XRN1: variants seen among roughly 807,000 people sequenced by gnomAD.
XRN1 encodes the protein 5'-3' exoribonuclease 1, also known as strand-exchange protein 1 homolog.
A neutral mutation model predicts 222.3 loss-of-function variants in XRN1; 67 were observed. The ratio of observed to expected loss-of-function variants is 0.30; its 90% CI spans 0.25 to 0.37. The LOEUF (loss-of-function observed/expected upper bound fraction) is 0.37, where lower values mean the gene tolerates loss of function less well. Among genes scored for constraint, XRN1 ranks in the 10% least tolerant of loss-of-function variants. The probability of loss-of-function intolerance (pLI) is 1.00; values close to 1 mark genes in which losing one functional copy is unlikely to be tolerated. For synonymous variants in XRN1, 643 were observed against 652.4 expected (o/e 0.99, Z 0.22); for missense variants, 1,707 against 2,000.2 (o/e 0.85, Z 2.80).
chr3:142,439,036 GGGA>G (rs1319615581), intron 1 of XRN1, among the ~76,000 whole-genome samples: 1 of 152,110 alleles, frequency 6.6e-6, no homozygotes, highest in East Asian at 1.9e-4. Context: ...TCCAAGCAGT[GGGA>G]GGAGGAGAAT....
chr3:142,391,696 T>C (rs2067718748), intron 20 of XRN1, among the ~76,000 whole-genome samples: 1 of 146,366 alleles, frequency 6.8e-6, no homozygotes, highest in Non-Finnish European at 1.5e-5. Flanking sequence ...AATGTGCCAC[T>C]GCACTCCACC....
At chr3:142,441,043 G>A (rs11711179) in intron 1 of XRN1, among the ~76,000 whole-genome samples, 15,628 of 152,194 alleles carry the variant, frequency 0.1, 946 homozygotes, top group Non-Finnish European at 0.14. Context: ...CCACCCAAGC[G>A]CTCTTAAATT....
intron 22 of XRN1, among the ~76,000 whole-genome samples, chr3:142,381,322 TAC>T (rs760841433): frequency 1.3e-5 from 2 of 152,160 alleles, no homozygotes; most frequent in Non-Finnish European, 2.9e-5. Context: ...ATAATCACAG[TAC>T]AGTTATTAAG....
Position 142,448,001 on chromosome 3 carries a change from G to GGGCTCCGCCGC in XRN1, c.-68_-58dup. ...CAAACCGAAACCAAACGCCCCGCCG[G>GGGCTCCGCCGC]GGCTCCGCCGCAGCCTCCGGTCGTC... On this transcript the variant is annotated 5_prime_UTR_variant, in exon 1 of 41. Transcript: ENST00000392981. 1 of 1,577,968 alleles carries GGGCTCCGCCGC rather than the reference G, an allele frequency of 6.3e-7. No homozygotes were observed. Among genetic ancestry groups the GGGCTCCGCCGC allele is most frequent in the Non-Finnish European group, 8.7e-7 (1 of 1,152,100 alleles).
At chr3:142,363,469 T>A (rs1056903307) in intron 29 of XRN1, among the ~76,000 whole-genome samples, 1 of 152,166 alleles carries the variant, frequency 6.6e-6, no homozygotes, top group Admixed American at 6.5e-5. Context: ...CAGGTTTGGG[T>A]CTATTTCGGG....
intron 13 of XRN1, among the ~76,000 whole-genome samples, chr3:142,416,807 G>A (rs1475457548): frequency 2.0e-5 from 3 of 151,802 alleles, no homozygotes; most frequent in Admixed American, 6.6e-5. Flanking sequence ...CAAGGTGGGC[G>A]GATCACCTGA....
Position 142,372,138 on chromosome 3 carries a change from C to T in XRN1, c.2979-810G>A, listed in dbSNP as rs186348127. ...GTTATACTGTCATGTGGTTGCCTGC[C>T]TACCACCCCAGCATATGACCTGTAG... On this transcript the variant is annotated intron_variant, in intron 25 of 40. Transcript: ENST00000392981. Among the ~76,000 whole-genome samples, 12 of 152,234 alleles carry T rather than the reference C, an allele frequency of 7.9e-5. No homozygotes were observed. The East Asian group carries it at 2.1e-3, about 27-fold the overall frequency.
At chr3:142,356,888 G>A (rs771413030) in intron 31 of XRN1, 24 bp downstream of exon 31, 18 of 1,602,270 alleles carry the variant, frequency 1.1e-5, no homozygotes, top group Non-Finnish European at 1.5e-5. Context: ...GGGTAGAGGA[G>A]AAGTTAAAGA....
chr3:142,406,142 T>C (rs1274919466), intron 15 of XRN1, among the ~76,000 whole-genome samples: 1 of 152,050 alleles, frequency 6.6e-6, no homozygotes, highest in Non-Finnish European at 1.5e-5. Context: ...TACATAAAAG[T>C]ATTTTCAATA....
At chr3:142,316,139 T>C (rs2107856418) in intron 39 of XRN1, among the ~76,000 whole-genome samples, 1 of 152,260 alleles carries the variant, frequency 6.6e-6, no homozygotes, top group South Asian at 2.1e-4. Flanking sequence ...ATAATGTTTC[T>C]TTTCTTGTAA....
At chr3:142,399,961 G>A (rs966939389) in intron 19 of XRN1, among the ~76,000 whole-genome samples, 2 of 150,138 alleles carry the variant, frequency 1.3e-5, no homozygotes, top group African/African-American at 4.9e-5. Context: ...ATAAAAAAAC[G>A]ACAAAAAATA....
rs1402655475 is a variant in XRN1 at position 142,375,834 on chromosome 3, G to A, written c.2942C>T (p.Ser981Phe). ...CTCTGCCAGAAGTTGTTCTGCTGCA[G>A]ATGAATACATCCATTCACTTCCAAC... ...KKVGSEWMYS[S>F]AAEQLLAEYL... Residue 981 changes from serine to phenylalanine, a missense_variant, in exon 25 of 41, where the codon TCT becomes TTT. Transcript: ENST00000392981. 6.2e-7 allele frequency: 1 copy of A among 1,613,826 alleles called. No homozygotes were observed. Among genetic ancestry groups the A allele is most frequent in the Non-Finnish European group, 8.5e-7 (1 of 1,179,868 alleles).
chr3:142,400,791 C>T (rs1302854518), intron 18 of XRN1, among the ~76,000 whole-genome samples: 2 of 152,096 alleles, frequency 1.3e-5, no homozygotes, highest in African/African-American at 4.8e-5. Flanking sequence ...TGGTGGCACA[C>T]GCAGTAGTCC....
chr3:142,397,979 T>C (rs1162558533), intron 19 of XRN1, among the ~76,000 whole-genome samples: 1 of 152,186 alleles, frequency 6.6e-6, no homozygotes, highest in East Asian at 1.9e-4. Flanking sequence ...CAGTGGCTCA[T>C]GCCTGTAATC....
chr3:142,435,762 C>CCCA (rs1553745682), intron 1 of XRN1, among the ~76,000 whole-genome samples: 1 of 58,524 alleles, frequency 1.7e-5, no homozygotes, highest in African/African-American at 6.9e-5. Flanking sequence ...CCCCACCCCC[C>CCCA]AAAAAAAAAA....
chr3:142,439,537 G>A (rs2070099241), intron 1 of XRN1, among the ~76,000 whole-genome samples: 1 of 152,154 alleles, frequency 6.6e-6, no homozygotes, highest in Non-Finnish European at 1.5e-5. Flanking sequence ...GACTAAGAGA[G>A]GAATTAAGGA....
intron 36 of XRN1, among the ~76,000 whole-genome samples, chr3:142,331,558 ATTC>A (rs940520622): frequency 1.6e-4 from 25 of 152,328 alleles, no homozygotes; most frequent in Middle Eastern, 3.4e-3. Flanking sequence ...GTAATGTATT[ATTC>A]TTATTTTATA....
chr3:142,366,289 A>T (rs897837737), intron 27 of XRN1, among the ~76,000 whole-genome samples: 1 of 152,222 alleles, frequency 6.6e-6, no homozygotes, highest in Admixed American at 6.5e-5. Context: ...TTTAGAACAT[A>T]GCTTATGGGA....
At chr3:142,417,085 G>C (rs2068817582) in intron 13 of XRN1, 55 bp downstream of exon 13, 1 of 1,290,278 alleles carries the variant, frequency 7.8e-7, no homozygotes. Flanking sequence ...TAAGACTCTA[G>C]TAGAATGAAT....
Sources: allele counts gnomAD v4.1 joint callset (sites outside exome capture counted in the v4.1 genomes callset), GRCh38; gene constraint gnomAD v4.1.1; transcripts MANE v1.5; gene names NCBI Gene and HGNC (gene_info 2026-07-23, HGNC 2026-07-21).